BICD2: variants seen among roughly 807,000 people sequenced by gnomAD.
BICD2 encodes BICD cargo adaptor 2, also known as protein bicaudal D homolog 2.
BICD2 carries 25 observed loss-of-function variants against 72.9 expected under a neutral mutation model. The ratio of observed to expected loss-of-function variants is 0.34; its 90% CI spans 0.25 to 0.48. The LOEUF is 0.48. Among genes scored for constraint, BICD2 ranks in the 20% least tolerant of loss-of-function variants. The pLI, the probability that BICD2 is intolerant of heterozygous loss-of-function variation, is 0.99. For synonymous variants in BICD2, 501 were observed against 516.1 expected (o/e 0.97, Z 0.40); for missense variants, 894 against 1,175.2 (o/e 0.76, Z 3.50).
chr9:92,737,811 G>A (rs779357626), intron 1 of BICD2, among the ~76,000 whole-genome samples: 1 of 152,218 alleles, frequency 6.6e-6, no homozygotes, highest in Non-Finnish European at 1.5e-5. Context: ...GCCTAGTGCA[G>A]AGGAGGAAAC....
chr9:92,728,987 C>A, intron 2 of BICD2, 37 bp downstream of exon 2: 1 of 1,597,902 alleles, frequency 6.3e-7, no homozygotes, highest in South Asian at 1.1e-5. Flanking sequence ...GGTGGCACTG[C>A]TGCAGCCACA....
intron 1 of BICD2, among the ~76,000 whole-genome samples, chr9:92,754,058 T>C (rs926574219): frequency 2.2e-4 from 33 of 149,762 alleles, no homozygotes; most frequent in African/African-American, 7.2e-4. Flanking sequence ...GGCAGGAGAA[T>C]GGCGTGAACC....
At chr9:92,743,508 T>C (rs558295900) in intron 1 of BICD2, among the ~76,000 whole-genome samples, 31 of 152,218 alleles carry the variant, frequency 2.0e-4, no homozygotes, top group African/African-American at 7.2e-4. Context: ...TTCCATTTTA[T>C]TTAAAAAAGT....
chr9:92,715,141 C>T lies in BICD2; in HGVS notation c.*13G>A, dbSNP rs780776008. 39 of 1,556,634 alleles carry T rather than the reference C, an allele frequency of 2.5e-5. No individual in the cohort carries two copies. In the Admixed American group the frequency reaches 3.1e-4, roughly 12 times the overall value. On this transcript the variant is annotated 3_prime_UTR_variant, in exon 7 of 7. Transcript: ENST00000356884. ...AGCAGATGTTAGCTGCAGCGTGCGG[C>T]GCCCCACAGCCCCTAATCACAGTAA... is the stretch of plus-strand genomic sequence containing the variant.
chr9:92,729,611 T>C (rs903583897), intron 1 of BICD2, among the ~76,000 whole-genome samples: 2 of 152,202 alleles, frequency 1.3e-5, no homozygotes, highest in African/African-American at 4.8e-5. Context: ...CCACTCCAGA[T>C]GGCACGCCGG....
intron 1 of BICD2, among the ~76,000 whole-genome samples, chr9:92,730,089 C>T (rs144782697): frequency 6.6e-6 from 1 of 152,220 alleles, no homozygotes; most frequent in Non-Finnish European, 1.5e-5. Flanking sequence ...CTCTCCTTCC[C>T]TCCCACTGCC....
At chr9:92,726,476 G>A (rs551103714) in intron 2 of BICD2, among the ~76,000 whole-genome samples, 1 of 152,268 alleles carries the variant, frequency 6.6e-6, no homozygotes, top group South Asian at 2.1e-4. Context: ...ACTGGGGAAA[G>A]CCACGCTGGG....
At chr9:92,729,575 G>A (rs1379497400) in intron 1 of BICD2, among the ~76,000 whole-genome samples, 1 of 152,234 alleles carries the variant, frequency 6.6e-6, no homozygotes, top group Non-Finnish European at 1.5e-5. Context: ...GGCAGAGGGA[G>A]CTCCCACACA....
At chr9:92,758,380 C>G (rs1430214551) in intron 1 of BICD2, among the ~76,000 whole-genome samples, 1 of 149,188 alleles carries the variant, frequency 6.7e-6, no homozygotes, top group Non-Finnish European at 1.5e-5. Flanking sequence ...GGAGAAACCT[C>G]GTCTCTACTA....
intron 1 of BICD2, among the ~76,000 whole-genome samples, chr9:92,754,385 A>G (rs531879799): frequency 6.6e-6 from 1 of 152,306 alleles, no homozygotes; most frequent in African/African-American, 2.4e-5. Flanking sequence ...TTTGAGGAGA[A>G]AACTGTACGT....
At chr9:92,717,728 G>A (rs919577451) in intron 6 of BICD2, 69 bp downstream of exon 6, 1 of 1,499,052 alleles carries the variant, frequency 6.7e-7, no homozygotes, top group Non-Finnish European at 8.9e-7. Context: ...AGAGGCTAAG[G>A]GTTCCAGAGG....
chr9:92,713,471 G>A lies in BICD2; in HGVS notation c.*1683C>T. 1 of 1,590,064 alleles carries A rather than the reference G, an allele frequency of 6.3e-7. No individual in the cohort carries two copies. ...GGCAGCTACTCTACAGCTGAAAACG[G>A]GAGAAAAGAGAGCGTTAGAAAGCGG... On this transcript the variant is annotated 3_prime_UTR_variant, in exon 7 of 7. Coordinates refer to ENST00000356884, the MANE Select transcript of BICD2 (RefSeq NM_001003800.2).
Position 92,713,363 on chromosome 9 carries a change from T to G in BICD2, c.*1791A>C. On this transcript the variant is annotated 3_prime_UTR_variant, in exon 7 of 7. Coordinates refer to ENST00000356884, the MANE Select transcript of BICD2 (RefSeq NM_001003800.2). ...AAAAGTTTCTAAGTGGGCTTTTAGG[T>G]TGCCCTTCCTTCCTCCTTGTGGGCC... 7.2e-7 allele frequency: 1 copy of G among 1,390,734 alleles called. No homozygotes were observed. The highest frequency in any genetic ancestry group is 1.0e-6 in the Non-Finnish European group (1 of 1,004,668). The allele number at this position is 1,390,734 out of a possible 1,614,324, so 86.1% of individuals were successfully genotyped here.
chr9:92,751,862 T>C (rs1423683227), intron 1 of BICD2, among the ~76,000 whole-genome samples: 1 of 151,208 alleles, frequency 6.6e-6, no homozygotes, highest in African/African-American at 2.4e-5. Flanking sequence ...TGGAGTGTAA[T>C]GATGCGATCT....
chr9:92,760,075 C>T (rs999948915), intron 1 of BICD2, among the ~76,000 whole-genome samples: 2 of 152,162 alleles, frequency 1.3e-5, no homozygotes, highest in Admixed American at 6.5e-5. Context: ...AGACAGGCAG[C>T]GGCTCATCCA....
chr9:92,718,509 G>A (rs1274992008), intron 5 of BICD2, 30 bp downstream of exon 5: 4 of 1,584,254 alleles, frequency 2.5e-6, no homozygotes, highest in Non-Finnish European at 3.4e-6. Context: ...AGTAGTAGGT[G>A]ACATGTGCCC....
intron 6 of BICD2, 69 bp downstream of exon 6, chr9:92,717,728 G>T: frequency 6.7e-7 from 1 of 1,499,052 alleles, no homozygotes. Context: ...AGAGGCTAAG[G>T]GTTCCAGAGG....
chr9:92,731,707 G>A (rs1853683090), intron 1 of BICD2, among the ~76,000 whole-genome samples: 1 of 152,192 alleles, frequency 6.6e-6, no homozygotes, highest in Admixed American at 6.5e-5. Flanking sequence ...CAGCAGGGCA[G>A]CCAAGCTAGG....
At chr9:92,763,201 C>A (rs1418314884) in intron 1 of BICD2, among the ~76,000 whole-genome samples, 1 of 152,168 alleles carries the variant, frequency 6.6e-6, no homozygotes, top group East Asian at 1.9e-4. Flanking sequence ...ATCCAAGCAT[C>A]TGCTTGGATT....
Sources: allele counts gnomAD v4.1 joint callset (sites outside exome capture counted in the v4.1 genomes callset), GRCh38; gene constraint gnomAD v4.1.1; transcripts MANE v1.5; gene names NCBI Gene and HGNC (gene_info 2026-07-23, HGNC 2026-07-21).